CLOCK: variants seen among roughly 807,000 people sequenced by gnomAD.
CLOCK encodes clock circadian regulator.
CLOCK carries 43 observed loss-of-function variants against 118.4 expected under a neutral mutation model. The ratio of observed to expected loss-of-function variants is 0.36; its 90% confidence interval spans 0.28 to 0.47. The LOEUF (loss-of-function observed/expected upper bound fraction) is 0.47, where lower values mean the gene tolerates loss of function less well. Ranked by LOEUF, CLOCK falls within the 20% of genes least tolerant of loss-of-function variation. The pLI, the probability that CLOCK is intolerant of heterozygous loss-of-function variation, is 1.00. For missense variants in CLOCK, 846 were observed against 999.9 expected (o/e 0.85, Z 2.08); for synonymous variants, 326 against 339.2 (o/e 0.96, Z 0.43).
intron 1 of CLOCK, among the ~76,000 whole-genome samples, chr4:55,521,763 T>C (rs866876843): frequency 6.6e-6 from 1 of 152,208 alleles, no homozygotes; most frequent in Non-Finnish European, 1.5e-5. Flanking sequence ...CTATGGATGC[T>C]ATGCAATTTT....
chr4:55,445,501 T>TTCTA, intron 18 of CLOCK, among the ~76,000 whole-genome samples: 1 of 152,030 alleles, frequency 6.6e-6, no homozygotes, highest in Non-Finnish European at 1.5e-5. Flanking sequence ...GTGGGGAGTC[T>TTCTA]TCTAAGTATG....
intron 9 of CLOCK, among the ~76,000 whole-genome samples, 196 bp downstream of exon 9, chr4:55,463,489 T>C (rs1217190556): frequency 1.3e-5 from 2 of 152,110 alleles, no homozygotes; most frequent in African/African-American, 2.4e-5. Flanking sequence ...GGGATTTCAA[T>C]ATACACTGAA....
In CLOCK at chr4:55,438,421, A is replaced by G; in HGVS notation, c.2222T>C (p.Phe741Ser). 3 of 1,613,918 alleles carry G rather than the reference A, an allele frequency of 1.9e-6. No individual in the cohort carries two copies. Among genetic ancestry groups the G allele is most frequent in the African/African-American group, 1.3e-5 (1 of 75,016 alleles). Residue 741 changes from phenylalanine (F) to serine (S), a missense_variant, in exon 22 of 23, where the codon TTT becomes TCT. This residue lies in a region of CLOCK where 520 missense variants were observed against 558.0 expected (regional missense o/e 0.93). Transcript: ENST00000513440. ...MGQVVTAYPTFATQQQQSQTL... is the reference protein window; with the variant it reads ...MGQVVTAYPTSATQQQQSQTL... ...CTGTGACTGTTGCTGTTGTGTAGCA[A>G]AAGTAGGATATGCAGTCACCACCTG...
chr4:55,514,737 G>A (rs897920899), intron 1 of CLOCK, among the ~76,000 whole-genome samples: 9 of 152,086 alleles, frequency 5.9e-5, no homozygotes, highest in Non-Finnish European at 1.2e-4. Context: ...AATCCCACTT[G>A]ATCACAGCAT....
chr4:55,442,631 G>T lies in CLOCK; in HGVS notation c.1906C>A (p.Gln636Lys), dbSNP rs1359296587. Residue 636 changes from glutamine to lysine, a missense_variant, in exon 21 of 23, where the codon CAA (glutamine) becomes AAA (lysine). Gln to Lys is a moderately conservative substitution (Grantham distance 53, BLOSUM62 1). Coordinates refer to ENST00000513440, the MANE Select transcript of CLOCK (RefSeq NM_004898.4). The stretch of plus-strand genomic sequence containing the variant: ...CTGTGCCCACTCAGTACATTTTGTT[G>T]ACTCTGTTAAAAATAAAGAGATTTT... ...QTLQSTSTQS[Q>K]QNVLSGHSQQ... 1.2e-6 allele frequency: 2 copies of T among 1,612,732 alleles called. No individual in the cohort carries two copies. The highest frequency in any genetic ancestry group is 3.3e-5 in the Admixed American group (2 of 59,894).
At position 55,480,217 on chromosome 4, in the gene CLOCK, A is replaced by G. The variant is rs560860651; in HGVS notation, c.48-518T>C. On this transcript the variant is annotated intron_variant, in intron 4 of 22. Transcript: ENST00000513440. ...CATGTGCTCTGTTCTGGACATGTTT[A>G]GTAAGCAATGAATAAGACATTTAGC... Among the ~76,000 whole-genome samples the G allele has an allele frequency of 8.9e-4, 136 of 152,352 alleles. 1 individual carries two copies. Among genetic ancestry groups the G allele is most frequent in the Non-Finnish European group, 1.7e-3 (117 of 68,030 alleles).
chr4:55,448,601 C>CGCGCGAGT, intron 18 of CLOCK, among the ~76,000 whole-genome samples, 178 bp downstream of exon 18: 1 of 117,038 alleles, frequency 8.5e-6, no homozygotes. Flanking sequence ...CGCACGCGCG[C>CGCGCGAGT]GTGTGTGTGT....
chr4:55,516,104 T>C (rs951959512), intron 1 of CLOCK, among the ~76,000 whole-genome samples: 2 of 152,178 alleles, frequency 1.3e-5, no homozygotes, highest in Non-Finnish European at 2.9e-5. Context: ...TGTTAAGGTG[T>C]TTTATGGCCC....
At chr4:55,503,815 G>A (rs1423171465) in intron 2 of CLOCK, among the ~76,000 whole-genome samples, 1 of 151,602 alleles carries the variant, frequency 6.6e-6, no homozygotes, top group African/African-American at 2.4e-5. Flanking sequence ...CATAACATGA[G>A]GTCAACAGAA....
intron 9 of CLOCK, among the ~76,000 whole-genome samples, chr4:55,461,687 T>A (rs149995518): frequency 6.6e-6 from 1 of 152,194 alleles, no homozygotes; most frequent in African/African-American, 2.4e-5. Context: ...TATTCAGCTC[T>A]CAGACTCAGG....
chr4:55,446,101 CTTT>C (rs766235766), intron 18 of CLOCK, among the ~76,000 whole-genome samples: 67 of 107,322 alleles, frequency 6.2e-4, no homozygotes, highest in Non-Finnish European at 7.7e-4. Flanking sequence ...AATTTAACTT[CTTT>C]TTTTTTTTTT....
chr4:55,465,739 G>A (rs1725687742), intron 8 of CLOCK, among the ~76,000 whole-genome samples: 1 of 152,070 alleles, frequency 6.6e-6, no homozygotes, highest in Admixed American at 6.5e-5. Flanking sequence ...ACTGTCTGAG[G>A]TCATCAGTTC....
At chr4:55,496,400 T>C (rs1356531173) in intron 2 of CLOCK, among the ~76,000 whole-genome samples, 1 of 152,190 alleles carries the variant, frequency 6.6e-6, no homozygotes, top group Admixed American at 6.5e-5. Context: ...CAGTCAATGA[T>C]TGGTTATGTT....
At chr4:55,545,052 C>CTTTTTTT (rs34291520) in intron 1 of CLOCK, among the ~76,000 whole-genome samples, 39,445 of 143,448 alleles carry the variant, frequency 0.27, 5,617 homozygotes, top group East Asian at 0.53. Flanking sequence ...TTCAGGCTAA[C>CTTTTTTT]TTTTTTTTTT....
chr4:55,451,226 T>C (rs1337245124), intron 15 of CLOCK, among the ~76,000 whole-genome samples: 1 of 152,170 alleles, frequency 6.6e-6, no homozygotes, highest in African/African-American at 2.4e-5. Context: ...AAATCTGTTC[T>C]TATTGATCAC....
At position 55,430,050 on chromosome 4, in the gene CLOCK, G is replaced by GAAC. The variant is rs1722399935; in HGVS notation, c.*5362_*5364dup. The stretch of plus-strand genomic sequence containing the variant: ...CCGAAATCACTTTGATGAGAAAACA[G>GAAC]AACACACAGGTATTTTAAAATATAA... On this transcript the variant is annotated 3_prime_UTR_variant, in exon 23 of 23. Coordinates refer to ENST00000513440, the MANE Select transcript of CLOCK (RefSeq NM_004898.4). 1 of 152,144 alleles carries GAAC rather than the reference G, an allele frequency of 6.6e-6. No individual in the cohort carries two copies. Among genetic ancestry groups the GAAC allele is most frequent in the Non-Finnish European group, 1.5e-5 (1 of 68,018 alleles). 9.4% of individuals were successfully genotyped at this position (152,144 alleles called of 1,614,324 possible).
Position 55,461,428 on chromosome 4 carries a change from C to A in CLOCK, c.560-2167G>T, listed in dbSNP as rs373914806. The stretch of plus-strand genomic sequence containing the variant: ...AAAGATGCTTTCATTGCAATGAAGA[C>A]CTGGACCTCCATGAGGCAAAACAGC... On this transcript the variant is annotated intron_variant, in intron 9 of 22. Coordinates refer to ENST00000513440, the MANE Select transcript of CLOCK (RefSeq NM_004898.4). Among the ~76,000 whole-genome samples, 114 of 152,192 alleles carry A rather than the reference C, an allele frequency of 7.5e-4. 2 individuals carry two copies. The South Asian group carries it at 0.022, about 29-fold the overall frequency.
chr4:55,500,234 G>A (rs1284022513), intron 2 of CLOCK, among the ~76,000 whole-genome samples: 1 of 152,128 alleles, frequency 6.6e-6, no homozygotes, highest in East Asian at 1.9e-4. Flanking sequence ...AGCTATTCAG[G>A]TTTTGACTTC....
chr4:55,504,194 G>A (rs1728638747), intron 2 of CLOCK, among the ~76,000 whole-genome samples: 1 of 147,664 alleles, frequency 6.8e-6, no homozygotes, highest in African/African-American at 2.5e-5. Flanking sequence ...CCTGAGGCAG[G>A]AGAATCACGT....
Sources: allele counts gnomAD v4.1 joint callset (sites outside exome capture counted in the v4.1 genomes callset), GRCh38; gene constraint gnomAD v4.1.1; regional missense constraint gnomAD v4.1.1; transcripts MANE v1.5; gene names NCBI Gene and HGNC (gene_info 2026-07-23, HGNC 2026-07-21).